Variants in EIF4B observed in about 807,000 individuals in gnomAD.
The protein encoded by EIF4B is eukaryotic translation initiation factor 4B.
A neutral mutation model predicts 79.3 loss-of-function variants in EIF4B; 8 were observed. The observed-to-expected ratio is 0.10, with a 90% CI of 0.06 to 0.18. The LOEUF is 0.18. EIF4B is among the 10% of genes least tolerant of loss of function. EIF4B has a pLI of 1.00. For synonymous variants in EIF4B, 238 were observed against 274.7 expected (o/e 0.87, Z 1.32); for missense variants, 515 against 792.4 (o/e 0.65, Z 4.20).
Position 53,040,040 on chromosome 12 carries a change from C to A in EIF4B, c.1756-103C>A, listed in dbSNP as rs1156510745. On this transcript the variant is annotated intron_variant, in intron 14 of 14. Coordinates refer to ENST00000262056, the MANE Select transcript of EIF4B (RefSeq NM_001417.7). ...TGATGAGCAAGCAAGTGGGTGTCAT[C>A]TGACTGTCATCCCCCATTGCCAAAG... 3 of 1,330,702 alleles carry A rather than the reference C, an allele frequency of 2.3e-6. No individual in the cohort carries two copies. The East Asian group carries it at 7.1e-5, about 31-fold the overall frequency. The allele number at this position is 1,330,702 out of a possible 1,614,324, so 82.4% of individuals were successfully genotyped here.
At chr12:53,008,918 CCA>C (rs1943015369) in intron 1 of EIF4B, among the ~76,000 whole-genome samples, 2 of 151,900 alleles carry the variant, frequency 1.3e-5, no homozygotes, top group Admixed American at 1.3e-4. Flanking sequence ...GCTTGTAATC[CCA>C]GCTACTCCGG....
At chr12:53,028,696 G>T (rs1943382303) in intron 8 of EIF4B, among the ~76,000 whole-genome samples, 1 of 152,018 alleles carries the variant, frequency 6.6e-6, no homozygotes, top group Non-Finnish European at 1.5e-5. Flanking sequence ...AAAAAAAGTT[G>T]CCAGATACTG....
At chr12:53,033,666 A>C in intron 8 of EIF4B, 140 bp from the exon 9 acceptor site, 1 of 920,076 alleles carries the variant, frequency 1.1e-6, no homozygotes, top group East Asian at 2.7e-5. Flanking sequence ...CTAATGATCT[A>C]TTTGCCTTCT....
intron 4 of EIF4B, 169 bp from the exon 5 acceptor site, chr12:53,021,637 G>A (rs1176640668): frequency 1.3e-6 from 1 of 746,486 alleles, no homozygotes; most frequent in South Asian, 1.5e-5. Context: ...TAACTTTTAA[G>A]TCTTTTAAAG....
intron 10 of EIF4B, 26 bp from the exon 11 acceptor site, chr12:53,037,383 T>A (rs1015697668): frequency 6.2e-7 from 1 of 1,602,610 alleles, no homozygotes; most frequent in African/African-American, 1.3e-5. Context: ...GCCTGATAAT[T>A]TGATATTTTC....
intron 4 of EIF4B, 105 bp downstream of exon 4, chr12:53,020,131 C>G: frequency 1.2e-6 from 1 of 864,488 alleles, no homozygotes; most frequent in East Asian, 2.7e-5. Flanking sequence ...TCAAAGATTC[C>G]CATATCTACA....
At chr12:53,018,721 T>G (rs1254654950) in intron 2 of EIF4B, 77 bp from the exon 3 acceptor site, 1 of 1,547,264 alleles carries the variant, frequency 6.5e-7, no homozygotes, top group Non-Finnish European at 8.9e-7. Flanking sequence ...ATTTGGCAAT[T>G]AACATGGGTC....
chr12:53,023,239 A>G (rs1300060185), intron 6 of EIF4B, among the ~76,000 whole-genome samples: 1 of 152,072 alleles, frequency 6.6e-6, no homozygotes, highest in African/African-American at 2.4e-5. Flanking sequence ...TTTGATATAT[A>G]TATATATTTT....
At chr12:53,032,374 AG>A (rs1943461550) in intron 8 of EIF4B, among the ~76,000 whole-genome samples, 1 of 152,204 alleles carries the variant, frequency 6.6e-6, no homozygotes, top group South Asian at 2.1e-4. Context: ...CAGAGGTTGC[AG>A]TGAGTTGAGA....
chr12:53,009,159 G>T (rs953574657), intron 1 of EIF4B, among the ~76,000 whole-genome samples: 19 of 152,212 alleles, frequency 1.2e-4, no homozygotes, highest in African/African-American at 4.3e-4. Context: ...CTGGAAAGTG[G>T]TCATTATTTA....
At position 53,027,915 on chromosome 12, in the gene EIF4B, T is replaced by A. The variant is rs534361205; in HGVS notation, c.801T>A (p.Asp267Glu). ...RYDDRGSRDY[D>E]RGYDSRIGSG... ...ATGACCGAGGCAGCAGAGACTATGA[T>A]AGAGGTAATTGTAAAACATGTCGAA... Residue 267 changes from aspartate to glutamate, a missense_variant, in exon 7 of 15, where the codon GAT becomes GAA. This residue lies in a region of EIF4B where 187 missense variants were observed against 256.5 expected (regional missense o/e 0.73). Transcript: ENST00000262056. 3.1e-6 allele frequency: 5 copies of A among 1,614,042 alleles called. No individual in the cohort carries two copies. In the African/African-American group the frequency reaches 6.7e-5, roughly 22 times the overall value.
rs777139297 is a variant in EIF4B, at chr12:53,016,591, G to A, written c.132G>A (p.Thr44=). ...VSKPVSWADE[T]DDLEGDVSTT... Reference sequence around the variant, plus strand: ...AACCAGTCAGCTGGGCTGATGAAACGGATGACCTGGAAGGAGATGGTAACT... The same window carrying A: ...AACCAGTCAGCTGGGCTGATGAAACAGATGACCTGGAAGGAGATGGTAACT... The change falls in exon 2 of 15, where the codon ACG becomes ACA. Residue 44 remains threonine, a synonymous_variant. Transcript: ENST00000262056. 39 of 1,598,574 alleles carry A rather than the reference G, an allele frequency of 2.4e-5. No homozygotes were observed. The highest frequency in any genetic ancestry group is 6.7e-5 in the East Asian group (3 of 44,498).
At chr12:53,013,612 C>A (rs1237837032) in intron 1 of EIF4B, 1 of 152,006 alleles carries the variant, frequency 6.6e-6, no homozygotes, top group Non-Finnish European at 1.5e-5. Flanking sequence ...CATGGTGAAA[C>A]CCCATCTCTA....
At chr12:53,027,152 T>TTTTTTC (rs1943350848) in intron 6 of EIF4B, among the ~76,000 whole-genome samples, 1 of 129,516 alleles carries the variant, frequency 7.7e-6, no homozygotes, top group African/African-American at 2.7e-5. Flanking sequence ...TTTTTTTTTT[T>TTTTTTC]TTTTTGAGAC....
At chr12:53,037,314 C>G (rs1943556070) in intron 10 of EIF4B, 95 bp from the exon 11 acceptor site, 17 of 1,406,026 alleles carry the variant, frequency 1.2e-5, no homozygotes, top group Non-Finnish European at 1.4e-5. Flanking sequence ...GGAGCCAAAA[C>G]TTGGATGTGG....
At chr12:53,009,959 AATT>A (rs1943036882) in intron 1 of EIF4B, among the ~76,000 whole-genome samples, 1 of 152,194 alleles carries the variant, frequency 6.6e-6, no homozygotes, top group African/African-American at 2.4e-5. Flanking sequence ...TATTTTAAGT[AATT>A]ATTTGTAATT....
At chr12:53,009,913 C>T (rs377170407) in intron 1 of EIF4B, among the ~76,000 whole-genome samples, 2 of 152,232 alleles carry the variant, frequency 1.3e-5, no homozygotes. Flanking sequence ...ATTCTCTTTT[C>T]GTGATGGTAG....
chr12:53,034,462 G>A (rs546095733), intron 9 of EIF4B, 150 bp from the exon 10 acceptor site: 2 of 758,514 alleles, frequency 2.6e-6, no homozygotes, highest in African/African-American at 1.8e-5. Context: ...CTTAATGTCT[G>A]TAGCTTTCAA....
At chr12:53,033,334 C>CTTTTTTT (rs11455422) in intron 8 of EIF4B, among the ~76,000 whole-genome samples, 7 of 142,322 alleles carry the variant, frequency 4.9e-5, no homozygotes, top group Non-Finnish European at 1.1e-4. Context: ...TACCTATTTT[C>CTTTTTTT]TTTTTTTTTT....
Sources: allele counts gnomAD v4.1 joint callset (sites outside exome capture counted in the v4.1 genomes callset), GRCh38; gene constraint gnomAD v4.1.1; regional missense constraint gnomAD v4.1.1; transcripts MANE v1.5; gene names NCBI Gene and HGNC (gene_info 2026-07-23, HGNC 2026-07-21).